PSORS1C1: variants seen among roughly 807,000 people sequenced by gnomAD.
PSORS1C1 encodes the protein psoriasis susceptibility 1 candidate gene 1 protein.
PSORS1C1 carries 7 observed loss-of-function variants against 9.4 expected under a neutral mutation model. The observed-to-expected ratio is 0.75, with a 90% CI of 0.42 to 1.40. The LOEUF (loss-of-function observed/expected upper bound fraction) is 1.40. PSORS1C1 is among the 40% of genes most tolerant of loss of function. The pLI, the probability that PSORS1C1 is intolerant of heterozygous loss-of-function variation, is 0.01. For synonymous variants in PSORS1C1, 63 were observed against 69.4 expected (o/e 0.91, Z 0.46); for missense variants, 146 against 178.1 (o/e 0.82, Z 1.02).
chr6:31,127,931 C>T (rs574734508), intron 2 of PSORS1C1, among the ~76,000 whole-genome samples: 1 of 152,252 alleles, frequency 6.6e-6, no homozygotes, highest in African/African-American at 2.4e-5. Context: ...TTGTAAGCAT[C>T]TGTGTATCTC....
Position 31,115,784 on chromosome 6 carries a change from T to C in PSORS1C1, c.-229+893T>C. On this transcript the variant is annotated intron_variant, in intron 1 of 5. Transcript: ENST00000259881. This position sits in a 1 kb window ranked among gnomAD's most constrained non-coding sequence, Gnocchi z 4.2. ...GAGGGGCACTGTGGTGGAATGGGAA[T>C]TTAAACAGTAGGAGAGAATCAAGAG... The C allele has an allele frequency of 1.8e-6, 1 of 556,482 alleles. No homozygotes were observed. Among genetic ancestry groups the C allele is most frequent in the Non-Finnish European group, 3.2e-6 (1 of 313,500 alleles). 34.5% of individuals were successfully genotyped at this position (556,482 alleles called of 1,614,324 possible).
At chr6:31,135,735 A>G (rs1773109587) in intron 3 of PSORS1C1, among the ~76,000 whole-genome samples, 1 of 152,196 alleles carries the variant, frequency 6.6e-6, no homozygotes, top group African/African-American at 2.4e-5. Flanking sequence ...AATATTCACA[A>G]GGATTAAACA....
intron 3 of PSORS1C1, among the ~76,000 whole-genome samples, chr6:31,135,362 G>A (rs1004011148): frequency 1.3e-4 from 19 of 151,998 alleles, no homozygotes; most frequent in Non-Finnish European, 2.5e-4. Flanking sequence ...CTAGCTTCCC[G>A]AGTAGCTGGG....
At chr6:31,125,298 CCTCT>C (rs539489291) in intron 1 of PSORS1C1, among the ~76,000 whole-genome samples, 5 of 152,120 alleles carry the variant, frequency 3.3e-5, no homozygotes, top group Admixed American at 3.3e-4. Context: ...CGTTTCCTCT[CCTCT>C]CTCTTTCTCC....
At chr6:31,127,982 C>G (rs1772758548) in intron 2 of PSORS1C1, among the ~76,000 whole-genome samples, 1 of 152,166 alleles carries the variant, frequency 6.6e-6, no homozygotes, top group Non-Finnish European at 1.5e-5. Context: ...AGGGCAGGGC[C>G]CTGATCCCTT....
chr6:31,130,653 G>C (rs1772873533), intron 3 of PSORS1C1, among the ~76,000 whole-genome samples: 1 of 151,946 alleles, frequency 6.6e-6, no homozygotes, highest in African/African-American at 2.4e-5. Context: ...CGCCCACCTC[G>C]GCCTCCCAAA....
At chr6:31,116,082 G>A (rs942054023) in intron 1 of PSORS1C1, 2 of 1,611,908 alleles carry the variant, frequency 1.2e-6, no homozygotes, top group African/African-American at 2.7e-5. Flanking sequence ...CAGCTAGCTG[G>A]GGCCCCAGAG....
Position 31,138,447 on chromosome 6 carries a change from C to CA in PSORS1C1, c.34dup (p.Arg12LysfsTer17). ...ACAAACAGACCAAAAAAGTCACTCT[C>CA]AAAGAGCTCTCGGTAGGTTTGTAAA... On this transcript the variant is annotated frameshift_variant, in exon 4 of 6. Coordinates refer to ENST00000259881, the MANE Select transcript of PSORS1C1 (RefSeq NM_014068.3). LOFTEE classifies it high-confidence loss of function. The CA allele has an allele frequency of 6.2e-7, 1 of 1,612,388 alleles. No individual in the cohort carries two copies. The highest frequency in any genetic ancestry group is 8.5e-7 in the Non-Finnish European group (1 of 1,179,824).
intron 3 of PSORS1C1, among the ~76,000 whole-genome samples, chr6:31,134,404 G>C (rs957842385): frequency 6.7e-6 from 1 of 149,948 alleles, no homozygotes; most frequent in Admixed American, 6.6e-5. Context: ...CCAGGTTCAC[G>C]CCATTCTCCT....
intron 3 of PSORS1C1, 105 bp from the exon 4 acceptor site, chr6:31,138,324 GA>G: frequency 6.2e-7 from 1 of 1,606,438 alleles, no homozygotes. Context: ...GGAGGAAGGA[GA>G]AAGGTAAGAG....
chr6:31,130,071 G>A (rs1460791008), intron 3 of PSORS1C1, among the ~76,000 whole-genome samples: 5 of 152,000 alleles, frequency 3.3e-5, no homozygotes, highest in Non-Finnish European at 5.9e-5. Context: ...CAGCCTGGGC[G>A]ACAGAGCAAG....
At chr6:31,127,116 G>A (rs1316755763) in intron 2 of PSORS1C1, among the ~76,000 whole-genome samples, 4 of 152,280 alleles carry the variant, frequency 2.6e-5, no homozygotes, top group Middle Eastern at 6.8e-3. Flanking sequence ...CAGCTTCCTC[G>A]ACAGGGTGAA....
At chr6:31,127,418 C>T (rs1407709625) in intron 2 of PSORS1C1, among the ~76,000 whole-genome samples, 1 of 152,126 alleles carries the variant, frequency 6.6e-6, no homozygotes, top group African/African-American at 2.4e-5. Flanking sequence ...TCGTGTCCCG[C>T]TCTGTTCTCT....
In PSORS1C1 at chr6:31,128,598, A is replaced by G. The variant is rs1296101985; in HGVS notation, c.-64-971A>G. On this transcript the variant is annotated intron_variant, in intron 2 of 5. Transcript: ENST00000259881. This position sits in a 1 kb window ranked among gnomAD's most constrained non-coding sequence, Gnocchi z 4.3. ...CTGAGGATATTAGGGGGAAAAACCCACAGGAGGTGCATTTGGCTTAATTCA... is the reference window on the plus strand; with the variant it reads ...CTGAGGATATTAGGGGGAAAAACCCGCAGGAGGTGCATTTGGCTTAATTCA... Among the ~76,000 whole-genome samples the G allele has an allele frequency of 6.6e-6, 1 of 152,210 alleles. No individual in the cohort carries two copies. Among genetic ancestry groups the G allele is most frequent in the African/African-American group, 2.4e-5 (1 of 41,442 alleles).
intron 3 of PSORS1C1, among the ~76,000 whole-genome samples, chr6:31,134,140 A>G (rs3132568): frequency 0.14 from 20,415 of 148,236 alleles, 1,776 homozygotes; most frequent in Non-Finnish European, 0.21. Flanking sequence ...CACCATGCCC[A>G]GCTAATTTTT....
intron 3 of PSORS1C1, chr6:31,137,943 G>C: frequency 7.1e-7 from 1 of 1,398,940 alleles, no homozygotes; most frequent in African/African-American, 1.4e-5. Context: ...ACGGCTGAGG[G>C]GACTCCATTA....
At chr6:31,132,848 T>TAAA (rs9281221) in intron 3 of PSORS1C1, among the ~76,000 whole-genome samples, 34 of 140,366 alleles carry the variant, frequency 2.4e-4, no homozygotes, top group Non-Finnish European at 4.6e-4. Flanking sequence ...GACCCTGTCT[T>TAAA]AAAAAAAAAA....
intron 1 of PSORS1C1, chr6:31,120,284 CG>C: frequency 7.1e-7 from 1 of 1,403,588 alleles, no homozygotes; most frequent in Non-Finnish European, 9.9e-7. Flanking sequence ...GGTCCTCTCC[CG>C]GAGTCTCCCT....
intron 1 of PSORS1C1, among the ~76,000 whole-genome samples, chr6:31,123,949 G>T (rs950031438): frequency 3.3e-5 from 5 of 152,158 alleles, no homozygotes; most frequent in African/African-American, 1.2e-4. Flanking sequence ...AATGATGAGA[G>T]AAGCACAGAG....
Sources: gnomAD v4.1 joint callset for allele counts (sites outside exome capture counted in the v4.1 genomes callset) on GRCh38, gnomAD v4.1.1 for gene constraint, Gnocchi (gnomAD v3.1) non-coding constraint, MANE v1.5 for transcripts, NCBI Gene and HGNC (gene_info 2026-07-23, HGNC 2026-07-21) for gene names.